The following GREM2 variants were observed in gnomAD, a reference collection of about 807,000 sequenced individuals.
GREM2 encodes the protein gremlin 2, DAN family BMP antagonist, also known as gremlin-2.
Under a neutral mutation model 14.2 loss-of-function variants are expected in GREM2, and 11 were observed. That is an observed-to-expected ratio of 0.78 (90% CI 0.49 to 1.28). The LOEUF (loss-of-function observed/expected upper bound fraction) is 1.28, where lower values mean the gene tolerates loss of function less well. GREM2 is among the 50% of genes most tolerant of loss of function. The probability of loss-of-function intolerance (pLI) is 0.00; values close to 1 mark genes in which losing one functional copy is unlikely to be tolerated. For missense variants in GREM2, 210 were observed against 218.5 expected, an observed-to-expected ratio of 0.96 and a Z score of 0.24; for synonymous variants, 98 against 97.6, an observed-to-expected ratio of 1.00 and a Z score of -0.02.
chr1:240,528,472 A>G (rs538075435), intron 1 of GREM2, among the ~76,000 whole-genome samples: 61 of 152,330 alleles, frequency 4.0e-4, no homozygotes, highest in African/African-American at 1.5e-3. Context: ...AATATTTTAG[A>G]AACATTATTG....
intron 1 of GREM2, among the ~76,000 whole-genome samples, chr1:240,522,120 C>CA (rs34438696): frequency 0.075 from 5,294 of 70,422 alleles, 378 homozygotes; most frequent in African/African-American, 0.21. Flanking sequence ...ACCCTGTCTC[C>CA]AAAAAAAAAA....
intron 1 of GREM2, among the ~76,000 whole-genome samples, chr1:240,577,149 T>G (rs1256319522): frequency 6.6e-6 from 1 of 152,214 alleles, no homozygotes; most frequent in Non-Finnish European, 1.5e-5. Flanking sequence ...CAAGGATCTT[T>G]TCTTTAACTG....
At chr1:240,505,720 A>G (rs1159925842) in intron 1 of GREM2, among the ~76,000 whole-genome samples, 1 of 150,006 alleles carries the variant, frequency 6.7e-6, no homozygotes, top group Admixed American at 6.7e-5. Context: ...ATCTACATGC[A>G]TTCTTTTTGT....
rs370047470 is a variant in GREM2, at chr1:240,495,612, A to T, written c.-1-2136T>A. On this transcript the variant is annotated intron_variant, in intron 1 of 1. Coordinates refer to ENST00000318160, the MANE Select transcript of GREM2 (RefSeq NM_022469.4). ...TACTATTATTTTCTTCATTTTATGGATGAGGACACTAAGGCATTGACAGGC... is the reference window on the plus strand; with the variant it reads ...TACTATTATTTTCTTCATTTTATGGTTGAGGACACTAAGGCATTGACAGGC... Among the ~76,000 whole-genome samples, 5 of 152,288 alleles carry T rather than the reference A, an allele frequency of 3.3e-5. No individual in the cohort carries two copies. The East Asian group carries it at 7.7e-4, about 24-fold the overall frequency.
Position 240,493,000 on chromosome 1 carries a change from G to A in GREM2, c.476C>T (p.Ser159Phe), listed in dbSNP as rs1477277996. Residue 159 changes from serine to phenylalanine, a missense_variant, in exon 2 of 2, where the codon TCC becomes TTC. Physicochemically the swap from Ser to Phe is radical, Grantham distance 155. Coordinates refer to ENST00000318160, the MANE Select transcript of GREM2 (RefSeq NM_022469.4). ...IQKVKQCRCM[S>F]VNLSDSDKQ Reference sequence around the variant, plus strand: ...CTTGTCCGAGTCGCTCAGGTTCACGGACATGCACCGGCACTGCTTCACCTT... The same window carrying A: ...CTTGTCCGAGTCGCTCAGGTTCACGAACATGCACCGGCACTGCTTCACCTT... 1.6e-5 allele frequency: 25 copies of A among 1,567,948 alleles called. No homozygotes were observed. The highest frequency in any genetic ancestry group is 2.1e-5 in the Non-Finnish European group (24 of 1,151,852).
intron 1 of GREM2, among the ~76,000 whole-genome samples, chr1:240,545,708 C>G (rs1678703352): frequency 6.6e-6 from 1 of 152,164 alleles, no homozygotes; most frequent in Admixed American, 6.5e-5. Flanking sequence ...GTGCTCACTG[C>G]AGAACTGATT....
At chr1:240,521,520 G>C (rs1397482531) in intron 1 of GREM2, among the ~76,000 whole-genome samples, 2 of 151,900 alleles carry the variant, frequency 1.3e-5, no homozygotes. Context: ...ACAGTGAGCC[G>C]AGATGGCACC....
In GREM2 at chr1:240,543,402, A is replaced by G. The variant is rs1395557261; in HGVS notation, c.-1-49926T>C. 3.3e-5 allele frequency among the ~76,000 whole-genome samples: 5 copies of G among 152,242 alleles called. No individual in the cohort carries two copies. The highest frequency in any genetic ancestry group is 7.3e-5 in the Non-Finnish European group (5 of 68,036). ...CAAATGAGGAGCAAAATCACGTCTT[A>G]CATGGTGGTAAGCAGGAGAGTTTGT... On this transcript the variant is annotated intron_variant, in intron 1 of 1. Coordinates refer to ENST00000318160, the MANE Select transcript of GREM2 (RefSeq NM_022469.4). This position sits in a 1 kb window ranked among gnomAD's most constrained non-coding sequence, Gnocchi z 6.4.
At chr1:240,498,625 A>C (rs139863449) in intron 1 of GREM2, among the ~76,000 whole-genome samples, 6 of 152,288 alleles carry the variant, frequency 3.9e-5, no homozygotes, top group Non-Finnish European at 7.4e-5. Flanking sequence ...ATCCCTGCAC[A>C]AGCATGTCAG....
At chr1:240,561,120 G>C (rs1436933516) in intron 1 of GREM2, among the ~76,000 whole-genome samples, 2 of 152,026 alleles carry the variant, frequency 1.3e-5, no homozygotes, top group Admixed American at 6.6e-5. Flanking sequence ...CCTAGAGTGT[G>C]GAAATTTTTT....
intron 1 of GREM2, among the ~76,000 whole-genome samples, chr1:240,509,087 G>A (rs1029677184): frequency 6.6e-6 from 1 of 152,190 alleles, no homozygotes; most frequent in Non-Finnish European, 1.5e-5. Context: ...CCCATGTTTA[G>A]AGTAGAGGAC....
intron 1 of GREM2, among the ~76,000 whole-genome samples, chr1:240,602,673 G>T (rs1031231535): frequency 6.6e-6 from 1 of 150,542 alleles, no homozygotes; most frequent in African/African-American, 2.4e-5. Context: ...AAAATTAGCC[G>T]GGCATGGTGA....
chr1:240,516,968 G>A (rs1677970319), intron 1 of GREM2, among the ~76,000 whole-genome samples: 3 of 152,164 alleles, frequency 2.0e-5, no homozygotes, highest in African/African-American at 7.2e-5. Flanking sequence ...TGAACACTTG[G>A]TGAACACTTT....
intron 1 of GREM2, chr1:240,530,455 AC>A: frequency 6.6e-6 from 1 of 152,332 alleles, no homozygotes; most frequent in Non-Finnish European, 1.5e-5. Flanking sequence ...GATACTTTCT[AC>A]ACACCTAGCT....
At chr1:240,523,602 G>C (rs1365089498) in intron 1 of GREM2, among the ~76,000 whole-genome samples, 1 of 151,928 alleles carries the variant, frequency 6.6e-6, no homozygotes, top group African/African-American at 2.4e-5. Flanking sequence ...TAAATGTATT[G>C]TAAGAATTTA....
At chr1:240,520,074 C>G (rs113301913) in intron 1 of GREM2, among the ~76,000 whole-genome samples, 18,802 of 106,910 alleles carry the variant, frequency 0.18, 1,310 homozygotes, top group Middle Eastern at 0.29. Context: ...GAGCAAAACT[C>G]CATCCCAAAA....
rs748013802 is a variant in GREM2, at chr1:240,493,496, G to A, written c.-1-20C>T. 2 of 1,584,522 alleles carry A rather than the reference G, an allele frequency of 1.3e-6. No homozygotes were observed. Among genetic ancestry groups the A allele is most frequent in the Non-Finnish European group, 1.7e-6 (2 of 1,164,964 alleles). ...AACATCCTGCAAACGAGAAAAGAGA[G>A]GGGCTGGCTGTGAAGGGCCGTAGAG... On this transcript the variant is annotated intron_variant, in intron 1 of 1. Coordinates refer to ENST00000318160, the MANE Select transcript of GREM2 (RefSeq NM_022469.4).
intron 1 of GREM2, among the ~76,000 whole-genome samples, chr1:240,511,201 A>G (rs1677818540): frequency 6.6e-6 from 1 of 152,240 alleles, no homozygotes; most frequent in Non-Finnish European, 1.5e-5. Context: ...CTAACATTTG[A>G]TAAGTTTGAG....
chr1:240,533,710 A>G (rs1309701244), intron 1 of GREM2, among the ~76,000 whole-genome samples: 2 of 152,156 alleles, frequency 1.3e-5, no homozygotes, highest in Non-Finnish European at 2.9e-5. Flanking sequence ...TATTTGGAGG[A>G]TGGGTGGGCA....
Sources: gnomAD v4.1 joint callset for allele counts (sites outside exome capture counted in the v4.1 genomes callset) on GRCh38, gnomAD v4.1.1 for gene constraint, Gnocchi (gnomAD v3.1) non-coding constraint, MANE v1.5 for transcripts, NCBI Gene and HGNC (gene_info 2026-07-23, HGNC 2026-07-21) for gene names.